PARP4: variants seen among roughly 807,000 people sequenced by gnomAD.
PARP4 encodes poly(ADP-ribose) polymerase family member 4.
PARP4 carries 120 observed loss-of-function variants against 187.7 expected under a neutral mutation model. The ratio of observed to expected loss-of-function variants is 0.64; its 90% CI spans 0.55 to 0.74. The LOEUF is 0.74. Ranked by LOEUF, PARP4 falls within the 30% of genes least tolerant of loss-of-function variation. The probability of loss-of-function intolerance (pLI) is 0.00; values close to 1 mark genes in which losing one functional copy is unlikely to be tolerated. For missense variants in PARP4, 1,836 were observed against 2,070.5 expected (o/e 0.89, Z 2.20); for synonymous variants, 654 against 740.9 (o/e 0.88, Z 1.90).
intron 17 of PARP4, among the ~76,000 whole-genome samples, chr13:24,463,849 G>A (rs1416207467): frequency 2.0e-5 from 3 of 152,238 alleles, no homozygotes; most frequent in African/African-American, 7.2e-5. Context: ...AAGAGAGGAA[G>A]TCAAACTACC....
At chr13:24,474,067 A>G (rs1392183853) in intron 15 of PARP4, among the ~76,000 whole-genome samples, 1 of 152,142 alleles carries the variant, frequency 6.6e-6, no homozygotes, top group East Asian at 1.9e-4. Context: ...GGCCAAAGAT[A>G]AACTCCTGAT....
At chr13:24,467,050 G>A (rs1375145881) in intron 17 of PARP4, among the ~76,000 whole-genome samples, 1 of 152,098 alleles carries the variant, frequency 6.6e-6, no homozygotes, top group Admixed American at 6.6e-5. Flanking sequence ...TCAACAGTAC[G>A]CTATCTAAGT....
chr13:24,423,461 G>A (rs1462830067), intron 33 of PARP4, among the ~76,000 whole-genome samples: 3 of 151,990 alleles, frequency 2.0e-5, no homozygotes, highest in Non-Finnish European at 4.4e-5. Flanking sequence ...AAACTGGGAG[G>A]TGGAGGTTGC....
intron 20 of PARP4, 105 bp downstream of exon 20, chr13:24,458,939 G>C: frequency 1.3e-6 from 1 of 790,242 alleles, no homozygotes; most frequent in East Asian, 2.6e-5. Context: ...CTTGTTAGAA[G>C]TTTTGTCAGC....
At chr13:24,481,937 G>T (rs1480453205) in intron 12 of PARP4, among the ~76,000 whole-genome samples, 1 of 152,230 alleles carries the variant, frequency 6.6e-6, no homozygotes. Context: ...GGATCTGGAC[G>T]AAGTAAATTG....
Position 24,486,194 on chromosome 13 carries a change from T to C in PARP4, c.1326A>G (p.Val442=). The part of the protein sequence containing the change: ...NVRPLLHGSP[V]QNIVGILCRG... Reference sequence around the variant, plus strand: ...GACACAAGATTCCCACGATGTTTTGTACAGGAGAACCATGCAACAAGGGCC... The same window carrying C: ...GACACAAGATTCCCACGATGTTTTGCACAGGAGAACCATGCAACAAGGGCC... Residue 442 remains valine (V), a synonymous_variant, in exon 11 of 34, where the codon GTA becomes GTG. Transcript: ENST00000381989. 6.2e-7 allele frequency: 1 copy of C among 1,613,264 alleles called. No individual in the cohort carries two copies.
rs975474513 is a variant in PARP4, at chr13:24,507,004, G to A, written c.-1-3227C>T. ...AAATCTAGCACAGCGCTGGTGGGCCGGCACTGCTGGGGTACCCGGCACACC... is the reference window on the plus strand; with the variant it reads ...AAATCTAGCACAGCGCTGGTGGGCCAGCACTGCTGGGGTACCCGGCACACC... On this transcript the variant is annotated intron_variant, in intron 1 of 33. Coordinates refer to ENST00000381989, the MANE Select transcript of PARP4 (RefSeq NM_006437.4). Among the ~76,000 whole-genome samples, 6 of 152,324 alleles carry A rather than the reference G, an allele frequency of 3.9e-5. No individual in the cohort carries two copies. The East Asian group carries it at 7.7e-4, about 20-fold the overall frequency.
chr13:24,472,932 A>G (rs1324851891), intron 15 of PARP4, among the ~76,000 whole-genome samples: 2 of 131,690 alleles, frequency 1.5e-5, no homozygotes, highest in African/African-American at 2.9e-5. Context: ...GTCTCACTCT[A>G]TCACCCAGGT....
intron 15 of PARP4, among the ~76,000 whole-genome samples, chr13:24,475,030 G>A (rs915926995): frequency 2.0e-5 from 3 of 152,128 alleles, no homozygotes; most frequent in Admixed American, 6.5e-5. Context: ...ATCCCCTGAC[G>A]TCCACACAGT....
At chr13:24,478,587 C>G (rs1238004886) in intron 12 of PARP4, among the ~76,000 whole-genome samples, 1 of 151,914 alleles carries the variant, frequency 6.6e-6, no homozygotes, top group African/African-American at 2.4e-5. Flanking sequence ...AGATGTGCAC[C>G]ACACCTAGCT....
At chr13:24,504,637 C>T (rs768193691) in intron 1 of PARP4, among the ~76,000 whole-genome samples, 6 of 151,762 alleles carry the variant, frequency 4.0e-5, no homozygotes, top group African/African-American at 9.7e-5. Context: ...AATTTTGCAT[C>T]GAAATGTGTA....
At chr13:24,486,363 C>T (rs1183859529) in intron 10 of PARP4, 58 bp from the exon 11 acceptor site, 4 of 1,156,970 alleles carry the variant, frequency 3.5e-6, no homozygotes, top group Non-Finnish European at 5.1e-6. Flanking sequence ...AACAAAAAGT[C>T]ATTATAGCAG....
At chr13:24,505,952 T>G (rs1869626523) in intron 1 of PARP4, among the ~76,000 whole-genome samples, 1 of 152,246 alleles carries the variant, frequency 6.6e-6, no homozygotes, top group Non-Finnish European at 1.5e-5. Flanking sequence ...CCCACCGCCC[T>G]GCACCGCGAT....
intron 17 of PARP4, among the ~76,000 whole-genome samples, chr13:24,461,469 C>T (rs750391): frequency 0.29 from 44,451 of 152,094 alleles, 7,204 homozygotes; most frequent in South Asian, 0.42. Flanking sequence ...AACTCATCAA[C>T]CAAGCGAACT....
In PARP4 at chr13:24,459,516, C is replaced by T; in HGVS notation, c.2299-206G>A. On this transcript the variant is annotated intron_variant, in intron 18 of 33. Coordinates refer to ENST00000381989, the MANE Select transcript of PARP4 (RefSeq NM_006437.4). Reference sequence around the variant, plus strand: ...ATTTTGACAGAGATTTTAAACTCTACATATGTCTGTGTGTATACACACACA... The same window carrying T: ...ATTTTGACAGAGATTTTAAACTCTATATATGTCTGTGTGTATACACACACA... 2.3e-5 allele frequency: 10 copies of T among 428,150 alleles called. No homozygotes were observed. The South Asian group carries it at 2.4e-4, about 10-fold the overall frequency. 26.5% of individuals were successfully genotyped at this position (428,150 alleles called of 1,614,324 possible). A position where few individuals can be genotyped will look rare whatever the true frequency, so the allele number is the denominator to read the frequency against.
intron 14 of PARP4, among the ~76,000 whole-genome samples, chr13:24,477,420 TG>T (rs1184603554): frequency 6.6e-6 from 1 of 151,876 alleles, no homozygotes; most frequent in African/African-American, 2.4e-5. Flanking sequence ...GATCACACAC[TG>T]TACTCCAGCC....
intron 14 of PARP4, 102 bp downstream of exon 14, chr13:24,477,599 G>T (rs1489014965): frequency 1.4e-6 from 1 of 733,288 alleles, no homozygotes; most frequent in Non-Finnish European, 2.3e-6. Context: ...TATGGATGAG[G>T]TCATAGATAT....
chr13:24,462,332 G>C (rs1215068568), intron 17 of PARP4, among the ~76,000 whole-genome samples: 1 of 152,150 alleles, frequency 6.6e-6, no homozygotes, highest in African/African-American at 2.4e-5. Context: ...GTCCACCACT[G>C]GAGGAATTTG....
intron 28 of PARP4, among the ~76,000 whole-genome samples, chr13:24,443,362 C>T (rs541763984): frequency 2.6e-5 from 4 of 152,264 alleles, no homozygotes; most frequent in Non-Finnish European, 5.9e-5. Context: ...ACGTCCACTA[C>T]AGGCACTCAG....
Sources: gnomAD v4.1 joint callset for allele counts (sites outside exome capture counted in the v4.1 genomes callset) on GRCh38, gnomAD v4.1.1 for gene constraint, MANE v1.5 for transcripts, NCBI Gene and HGNC (gene_info 2026-07-23, HGNC 2026-07-21) for gene names.